Variants in SCP2 observed in about 807,000 individuals in gnomAD.
The protein encoded by SCP2 is SCP-2/3-oxoacyl-CoA thiolase.
A neutral mutation model predicts 71.4 loss-of-function variants in SCP2; 48 were observed. The observed-to-expected ratio is 0.67, with a 90% CI of 0.53 to 0.86. SCP2 has a LOEUF of 0.86. Ranked by LOEUF, SCP2 falls within the 40% of genes least tolerant of loss-of-function variation. SCP2 has a pLI of 0.00. For synonymous variants in SCP2, 220 were observed against 218.1 expected (o/e 1.01, Z -0.08); for missense variants, 560 against 655.6 (o/e 0.85, Z 1.59).
At chr1:52,974,652 T>C (rs1296371186) in intron 6 of SCP2, 117 bp from the exon 7 acceptor site, 3 of 743,512 alleles carry the variant, frequency 4.0e-6, no homozygotes, top group Non-Finnish European at 7.6e-6. Context: ...ATACTGATGA[T>C]ATATATGAAA....
chr1:52,980,653 T>C, intron 10 of SCP2, 110 bp downstream of exon 10: 1 of 1,096,640 alleles, frequency 9.1e-7, no homozygotes, highest in Non-Finnish European at 1.4e-6. Context: ...ACGTTGGCTC[T>C]GCCACACTGT....
chr1:53,026,647 A>C (rs1285634663), intron 12 of SCP2, among the ~76,000 whole-genome samples: 1 of 152,138 alleles, frequency 6.6e-6, no homozygotes, highest in African/African-American at 2.4e-5. Flanking sequence ...TGTCTCTACA[A>C]AAAATTTGAA....
rs1266033685 is a variant in SCP2 at position 52,954,746 on chromosome 1, C to A, written c.338C>A (p.Ala113Glu). Residue 113 changes from alanine to glutamate, a missense_variant, in exon 5 of 16, where the codon GCA becomes GAA. Physicochemically the swap from Ala to Glu is moderately radical, Grantham distance 107. This residue lies in a region of SCP2 where 513 missense variants were observed against 573.1 expected (regional missense o/e 0.90). Coordinates refer to ENST00000371514, the MANE Select transcript of SCP2 (RefSeq NM_002979.5). ...MARQLIQGGV[A>E]ECVLALGFEK... Reference sequence around the variant, plus strand: ...AATTACGTTTTCCTTTAAGGTGTGGCAGAATGTGTCTTGGCTCTTGGGTTT... The same window carrying A: ...AATTACGTTTTCCTTTAAGGTGTGGAAGAATGTGTCTTGGCTCTTGGGTTT... The A allele has an allele frequency of 3.7e-6, 6 of 1,613,006 alleles. No homozygotes were observed. In the African/African-American group the frequency reaches 6.7e-5, roughly 18 times the overall value.
At position 52,993,567 on chromosome 1, in the gene SCP2, A is replaced by G. The variant is rs905431326; in HGVS notation, c.1081+5431A>G. 37 of 1,611,930 alleles carry G rather than the reference A, an allele frequency of 2.3e-5. No homozygotes were observed. In the Admixed American group the frequency reaches 2.5e-4, roughly 11 times the overall value. On this transcript the variant is annotated intron_variant, in intron 11 of 15. Transcript: ENST00000371514. ...AGGAAGCCCTCGCCAGTCCTCATAT[A>G]CTGTTCTCTCATGGCTCCAAGCTCT...
At chr1:53,001,285 A>AG (rs777639099) in intron 11 of SCP2, among the ~76,000 whole-genome samples, 101 of 152,280 alleles carry the variant, frequency 6.6e-4, no homozygotes, top group Non-Finnish European at 8.1e-4. Context: ...AAAAAGGGAA[A>AG]GGAGGATGGC....
At chr1:53,001,601 T>G (rs866436008) in intron 11 of SCP2, among the ~76,000 whole-genome samples, 1 of 152,316 alleles carries the variant, frequency 6.6e-6, no homozygotes, top group South Asian at 2.1e-4. Context: ...CATGAAGTCA[T>G]CAAGCTAGAG....
chr1:53,020,068 G>A (rs1345358988), intron 12 of SCP2, among the ~76,000 whole-genome samples: 3 of 152,000 alleles, frequency 2.0e-5, no homozygotes, highest in African/African-American at 7.2e-5. Flanking sequence ...TGTATTTTTA[G>A]TAGAGACGGA....
At chr1:52,986,884 T>C (rs1043148333) in intron 10 of SCP2, among the ~76,000 whole-genome samples, 1 of 151,560 alleles carries the variant, frequency 6.6e-6, no homozygotes, top group Non-Finnish European at 1.5e-5. Flanking sequence ...AAATAATCTC[T>C]AGATTACGTA....
Position 52,945,450 on chromosome 1 carries a change from C to T in SCP2, c.128-2559C>T, listed in dbSNP as rs796218458. On this transcript the variant is annotated intron_variant, in intron 2 of 15. Coordinates refer to ENST00000371514, the MANE Select transcript of SCP2 (RefSeq NM_002979.5). ...GGTGTGGTGACTCATGCCTGTAATC[C>T]CAGCACTTTGGGAGGCTAAGGCAGG... 5.3e-5 allele frequency among the ~76,000 whole-genome samples: 8 copies of T among 152,202 alleles called. No individual in the cohort carries two copies. In the East Asian group the frequency reaches 9.7e-4, roughly 18 times the overall value.
intron 12 of SCP2, among the ~76,000 whole-genome samples, chr1:53,016,362 C>G (rs1661338891): frequency 1.3e-5 from 2 of 152,058 alleles, no homozygotes; most frequent in Non-Finnish European, 2.9e-5. Context: ...TCCTTGAGGC[C>G]TAAGACTGTG....
At chr1:53,007,103 C>CA (rs1468787754) in intron 11 of SCP2, among the ~76,000 whole-genome samples, 1 of 152,156 alleles carries the variant, frequency 6.6e-6, no homozygotes, top group Non-Finnish European at 1.5e-5. Context: ...TATATTCACC[C>CA]AATACAGGAG....
chr1:52,993,089 G>T, intron 11 of SCP2: 1 of 1,257,310 alleles, frequency 8.0e-7, no homozygotes, highest in South Asian at 1.2e-5. Context: ...GGCTAACATG[G>T]TGATCATTTG....
At chr1:53,026,007 T>C (rs997521564) in intron 12 of SCP2, among the ~76,000 whole-genome samples, 31 of 152,230 alleles carry the variant, frequency 2.0e-4, no homozygotes, top group African/African-American at 7.5e-4. Flanking sequence ...CTCAGGATCT[T>C]TGCAGTTTCC....
At chr1:52,935,933 G>A (rs12092820) in intron 1 of SCP2, among the ~76,000 whole-genome samples, 5,222 of 151,432 alleles carry the variant, frequency 0.034, 310 homozygotes, top group African/African-American at 0.12. Flanking sequence ...GCAAGAACCT[G>A]TCTTGAAAAA....
chr1:52,983,950 A>C (rs1478814192), intron 10 of SCP2, among the ~76,000 whole-genome samples: 2 of 152,228 alleles, frequency 1.3e-5, no homozygotes, highest in Non-Finnish European at 2.9e-5. Flanking sequence ...GCAAGCATTT[A>C]AGCCAGTATG....
At chr1:52,999,815 G>GTTTTTTTTTTTTTTTTTTT (rs60893788) in intron 11 of SCP2, among the ~76,000 whole-genome samples, 6 of 109,386 alleles carry the variant, frequency 5.5e-5, no homozygotes, top group East Asian at 3.0e-4. Flanking sequence ...CTGAACACTT[G>GTTTTTTTTTTTTTTTTTTT]TTTTTTTTTT....
chr1:52,973,600 G>A (rs2150161292), intron 6 of SCP2, among the ~76,000 whole-genome samples: 1 of 152,156 alleles, frequency 6.6e-6, no homozygotes, highest in Middle Eastern at 3.4e-3. Context: ...TTGAGATGGA[G>A]TCTCACGCTG....
chr1:52,927,502 TC>T (rs1366417043), intron 1 of SCP2, 37 bp downstream of exon 1: 1 of 1,485,960 alleles, frequency 6.7e-7, no homozygotes, highest in Non-Finnish European at 9.2e-7. Flanking sequence ...CCTCTGAGGC[TC>T]GGGGGCGGTC....
intron 12 of SCP2, among the ~76,000 whole-genome samples, chr1:53,016,022 G>A (rs1245238632): frequency 6.6e-6 from 1 of 151,200 alleles, no homozygotes; most frequent in Non-Finnish European, 1.5e-5. Context: ...CTCCAACAAA[G>A]GATATGAGAC....
Sources: allele counts gnomAD v4.1 joint callset (sites outside exome capture counted in the v4.1 genomes callset), GRCh38; gene constraint gnomAD v4.1.1; regional missense constraint gnomAD v4.1.1; transcripts MANE v1.5; gene names NCBI Gene and HGNC (gene_info 2026-07-23, HGNC 2026-07-21).